TBC1D22A: variants seen among roughly 807,000 people sequenced by gnomAD.
TBC1D22A encodes putative GTPase activator.
TBC1D22A carries 38 observed loss-of-function variants against 60.2 expected under a neutral mutation model. The observed-to-expected ratio is 0.63, with a 90% CI of 0.49 to 0.83. The LOEUF (loss-of-function observed/expected upper bound fraction) is 0.83. TBC1D22A is among the 40% of genes least tolerant of loss of function. The pLI is 0.00. For synonymous variants in TBC1D22A, 302 were observed against 281.7 expected, an observed-to-expected ratio of 1.07 and a Z score of -0.72; for missense variants, 628 against 701.0, an observed-to-expected ratio of 0.90 and a Z score of 1.18.
chr22:46,913,123 G>A (rs73478582), intron 8 of TBC1D22A, among the ~76,000 whole-genome samples: 14,762 of 152,188 alleles, frequency 0.097, 1,448 homozygotes, highest in African/African-American at 0.25. Context: ...CAACTGTAAT[G>A]TAACTTAATC....
intron 12 of TBC1D22A, among the ~76,000 whole-genome samples, chr22:47,129,031 C>T (rs553667584): frequency 1.3e-5 from 2 of 152,320 alleles, no homozygotes; most frequent in African/African-American, 2.4e-5. Flanking sequence ...GTAGGCCTCT[C>T]GTTTTTTGCC....
At chr22:46,809,212 T>G (rs2085280714) in intron 4 of TBC1D22A, among the ~76,000 whole-genome samples, 2 of 152,074 alleles carry the variant, frequency 1.3e-5, no homozygotes, top group African/African-American at 4.8e-5. Flanking sequence ...GATGCCACAT[T>G]TTTGCTGAGT....
At chr22:46,973,058 C>T (rs902150385) in intron 8 of TBC1D22A, among the ~76,000 whole-genome samples, 5 of 152,174 alleles carry the variant, frequency 3.3e-5, no homozygotes, top group Non-Finnish European at 5.9e-5. Flanking sequence ...AACCAAGAAC[C>T]GTGGGAGGTG....
intron 3 of TBC1D22A, among the ~76,000 whole-genome samples, chr22:46,797,227 T>C (rs1601903112): frequency 6.6e-6 from 1 of 152,210 alleles, no homozygotes. Context: ...TTATGCAAGG[T>C]GGTCCATTTT....
chr22:47,095,433 A>T (rs777674850), intron 11 of TBC1D22A, among the ~76,000 whole-genome samples: 62 of 152,284 alleles, frequency 4.1e-4, no homozygotes, highest in Non-Finnish European at 6.6e-4. Flanking sequence ...ATTATAAAAA[A>T]TAGAAGGAAA....
At chr22:47,021,289 G>A (rs1191092355) in intron 10 of TBC1D22A, among the ~76,000 whole-genome samples, 1 of 146,608 alleles carries the variant, frequency 6.8e-6, no homozygotes, top group East Asian at 2.1e-4. Flanking sequence ...GTAGCCTGGA[G>A]CCCTGAGCAG....
At chr22:46,865,290 T>C (rs2066997561) in intron 4 of TBC1D22A, among the ~76,000 whole-genome samples, 1 of 152,222 alleles carries the variant, frequency 6.6e-6, no homozygotes, top group African/African-American at 2.4e-5. Context: ...GTTTTATTGT[T>C]TTACACTCTG....
chr22:46,831,084 G>A (rs2086289754), intron 4 of TBC1D22A, among the ~76,000 whole-genome samples: 1 of 152,172 alleles, frequency 6.6e-6, no homozygotes, highest in Admixed American at 6.5e-5. Flanking sequence ...CAGGCCGAAG[G>A]CATTTGATGT....
chr22:47,143,291 CT>C (rs1160662299), intron 12 of TBC1D22A, among the ~76,000 whole-genome samples: 1 of 152,200 alleles, frequency 6.6e-6, no homozygotes, highest in Non-Finnish European at 1.5e-5. Context: ...CTGACAGCAA[CT>C]TTTGTGCCTG....
chr22:46,975,577 GAC>G lies in TBC1D22A; in HGVS notation c.1125+1182_1125+1183del, dbSNP rs141601755. 1.0e-3 allele frequency among the ~76,000 whole-genome samples: 158 copies of G among 152,310 alleles called. No homozygotes were observed. In the East Asian group the frequency reaches 0.023, roughly 22 times the overall value. On this transcript the variant is annotated intron_variant, in intron 9 of 12. Transcript: ENST00000337137. ...CTCAAAGGGGGGCCCTCATCTGAGAGACACAGAGATGGGGTTGTCACTTGACA... is the reference window on the plus strand; with the variant it reads ...CTCAAAGGGGGGCCCTCATCTGAGAGACAGAGATGGGGTTGTCACTTGACA...
chr22:46,788,924 G>A (rs1444031483), intron 1 of TBC1D22A: 3 of 152,176 alleles, frequency 2.0e-5, no homozygotes, highest in African/African-American at 4.8e-5. Context: ...CTGGGCTCCT[G>A]GGCCTTTGAA....
intron 7 of TBC1D22A, among the ~76,000 whole-genome samples, chr22:46,901,226 G>T (rs1326765197): frequency 1.3e-5 from 2 of 152,220 alleles, no homozygotes; most frequent in African/African-American, 4.8e-5. Flanking sequence ...TTGCTAACAT[G>T]TGATGTGCCA....
intron 10 of TBC1D22A, among the ~76,000 whole-genome samples, chr22:47,019,772 TTTAACCCTCCATCCTTCCCCTCTGCC>T (rs1371122167): frequency 1.2e-3 from 188 of 152,018 alleles, no homozygotes; most frequent in Non-Finnish European, 2.1e-3. Flanking sequence ...GGCTGACCCA[TTTAACCCTCCATCCTTCCCCTCTGCC>T]TTAACCCTCC....
At chr22:46,880,118 C>T (rs145960679) in intron 5 of TBC1D22A, among the ~76,000 whole-genome samples, 510 of 152,288 alleles carry the variant, frequency 3.3e-3, no homozygotes, top group Non-Finnish European at 5.0e-3. Context: ...AGGTTGAGGG[C>T]GCACTGGCGA....
chr22:46,998,803 T>C (rs974320461), intron 10 of TBC1D22A, among the ~76,000 whole-genome samples: 28 of 152,268 alleles, frequency 1.8e-4, no homozygotes, highest in African/African-American at 6.5e-4. Flanking sequence ...ATACTTTCAG[T>C]GTTACGTTTA....
At chr22:46,830,385 C>T (rs1023685654) in intron 4 of TBC1D22A, among the ~76,000 whole-genome samples, 2 of 152,300 alleles carry the variant, frequency 1.3e-5, no homozygotes, top group South Asian at 2.1e-4. Context: ...GCAGTGTTTC[C>T]AGCAGCCCTC....
chr22:46,790,957 C>A (rs2084379547), intron 1 of TBC1D22A, among the ~76,000 whole-genome samples: 1 of 152,228 alleles, frequency 6.6e-6, no homozygotes, highest in African/African-American at 2.4e-5. Flanking sequence ...GGGTCTTACT[C>A]TGTAACCCAG....
intron 4 of TBC1D22A, among the ~76,000 whole-genome samples, chr22:46,814,152 A>C (rs906843673): frequency 6.6e-6 from 1 of 152,272 alleles, no homozygotes; most frequent in Non-Finnish European, 1.5e-5. Flanking sequence ...AATATTATTT[A>C]AAATTACAGA....
chr22:47,137,446 C>T (rs1276663784), intron 12 of TBC1D22A, among the ~76,000 whole-genome samples: 4 of 152,130 alleles, frequency 2.6e-5, no homozygotes, highest in African/African-American at 7.2e-5. Flanking sequence ...TGCCCCTTAG[C>T]GAGGAGCCGA....
Sources: gnomAD v4.1 joint callset for allele counts (sites outside exome capture counted in the v4.1 genomes callset) on GRCh38, gnomAD v4.1.1 for gene constraint, MANE v1.5 for transcripts, NCBI Gene and HGNC (gene_info 2026-07-23, HGNC 2026-07-21) for gene names.